PRR5: variants seen among roughly 807,000 people sequenced by gnomAD.
PRR5 encodes proline rich 5.
Under a neutral mutation model 30.6 loss-of-function variants are expected in PRR5, and 25 were observed. That is an observed-to-expected ratio of 0.82 (90% CI 0.60 to 1.14). The LOEUF is 1.14. Ranked by LOEUF, PRR5 falls within the 50% of genes most tolerant of loss-of-function variation. The pLI is 0.00. For missense variants in PRR5, 600 were observed against 547.1 expected (o/e 1.10, Z -0.96); for synonymous variants, 286 against 247.1 (o/e 1.16, Z -1.48).
At chr22:44,671,944 G>A (rs1019453872) in intron 1 of PRR5, among the ~76,000 whole-genome samples, 2 of 152,366 alleles carry the variant, frequency 1.3e-5, no homozygotes, top group African/African-American at 4.8e-5. Context: ...ATGTCATTCT[G>A]TAGCCACGTG....
At chr22:44,678,729 T>C (rs974745315) in intron 1 of PRR5, among the ~76,000 whole-genome samples, 1 of 152,226 alleles carries the variant, frequency 6.6e-6, no homozygotes, top group Non-Finnish European at 1.5e-5. Context: ...CATCTCACCC[T>C]GGGCTCTGCT....
chr22:44,735,109 G>A lies in PRR5; in HGVS notation c.638G>A (p.Gly213Asp), dbSNP rs767672939. ...CAGAAGGTGGTGTCGCCATACCTGG[G>A]CACCTACGGCCTCCACTCCAGCGAG... ...LVQKVVSPYL[G>D]TYGLHSSEGP... is the part of the protein sequence containing the mutation. The change falls in exon 7 of 8, where the codon GGC (glycine) becomes GAC (aspartate). Residue 213 changes from glycine (G) to aspartate (D), a missense_variant. Gly to Asp is a moderately conservative substitution (Grantham distance 94). Transcript: ENST00000336985. 6.8e-6 allele frequency: 11 copies of A among 1,612,690 alleles called. No homozygotes were observed. Among genetic ancestry groups the A allele is most frequent in the Non-Finnish European group, 9.3e-6 (11 of 1,179,574 alleles).
intron 2 of PRR5, 44 bp downstream of exon 2, chr22:44,714,715 G>C: frequency 6.2e-7 from 1 of 1,609,428 alleles, no homozygotes; most frequent in Non-Finnish European, 8.5e-7. Context: ...TGAGTGGCAG[G>C]GAGGGCTAGG....
At chr22:44,696,749 T>TTATTTATG (rs1181778658) in intron 1 of PRR5, among the ~76,000 whole-genome samples, 1 of 151,938 alleles carries the variant, frequency 6.6e-6, no homozygotes, top group Non-Finnish European at 1.5e-5. Flanking sequence ...ATTTATTTAT[T>TTATTTATG]TATTTGAGAT....
intron 1 of PRR5, among the ~76,000 whole-genome samples, chr22:44,692,761 C>T (rs77776852): frequency 0.057 from 8,633 of 152,304 alleles, 492 homozygotes; most frequent in African/African-American, 0.15. Context: ...CGCTCTGCCG[C>T]CTGCCCTGAG....
At chr22:44,729,625 C>T (rs1182360368) in intron 4 of PRR5, 2 of 985,332 alleles carry the variant, frequency 2.0e-6, no homozygotes, top group African/African-American at 3.5e-5. Flanking sequence ...CCTGGGGTCG[C>T]CCCATACCTG....
chr22:44,702,182 G>GA, upstream of PRR5: 2 of 949,152 alleles, frequency 2.1e-6, no homozygotes, highest in Non-Finnish European at 2.6e-6. Context: ...CCGCCCCTGG[G>GA]CCCGCCCCCG....
intron 1 of PRR5, among the ~76,000 whole-genome samples, chr22:44,705,666 C>T (rs570154958): frequency 2.6e-5 from 4 of 152,164 alleles, no homozygotes; most frequent in East Asian, 3.9e-4. Context: ...GCTCTGTCAC[C>T]CAGGCTGGAG....
chr22:44,736,368 T>A (rs959862056), intron 7 of PRR5, among the ~76,000 whole-genome samples: 1 of 152,154 alleles, frequency 6.6e-6, no homozygotes, highest in Non-Finnish European at 1.5e-5. Context: ...CACCATCCCC[T>A]TGGACACCAG....
At chr22:44,679,857 A>G (rs755906637) in intron 1 of PRR5, 2 of 1,595,680 alleles carry the variant, frequency 1.3e-6, no homozygotes, top group Non-Finnish European at 1.7e-6. Flanking sequence ...CCCGGAAAAG[A>G]TGCCGGCGCA....
At chr22:44,702,189 C>CCCGGGTCCGCCT (rs1569079860), upstream of PRR5, 1 of 1,020,056 alleles carries the variant, frequency 9.8e-7, no homozygotes, top group East Asian at 6.3e-5. Context: ...TGGGCCCGCC[C>CCCGGGTCCGCCT]CCGGGTCCGC....
chr22:44,724,542 C>T (rs988616853), intron 2 of PRR5, among the ~76,000 whole-genome samples: 2 of 152,184 alleles, frequency 1.3e-5, no homozygotes, highest in Non-Finnish European at 2.9e-5. Context: ...GGGGCCTCAG[C>T]GCTGACAGTG....
chr22:44,706,876 C>A (rs1175995006), intron 1 of PRR5, among the ~76,000 whole-genome samples: 1 of 150,928 alleles, frequency 6.6e-6, no homozygotes, highest in Admixed American at 6.7e-5. Flanking sequence ...GCCTGCCGGC[C>A]GGGCCCCCCT....
chr22:44,672,035 T>C (rs1923457655), intron 1 of PRR5, among the ~76,000 whole-genome samples: 1 of 152,266 alleles, frequency 6.6e-6, no homozygotes, highest in Non-Finnish European at 1.5e-5. Context: ...GTCGTGATCC[T>C]GTGATAACCC....
At position 44,691,344 on chromosome 22, in the gene PRR5, A is replaced by T. The variant is rs954268215; in HGVS notation, c.-10-11148A>T. Among the ~76,000 whole-genome samples, 3 of 152,078 alleles carry T rather than the reference A, an allele frequency of 2.0e-5. No individual in the cohort carries two copies. The highest frequency in any genetic ancestry group is 4.4e-5 in the Non-Finnish European group (3 of 68,008). On this transcript the variant is annotated intron_variant, in intron 1 of 8. Coordinates refer to the PRR5 transcript ENST00000006251. The surrounding 1 kb of genome is among the most constrained non-coding windows in gnomAD (Gnocchi z 4.4). ...CCATGTCCACCTCGGTGGCACGGAG[A>T]GGAGGCTACCCAGCTGGAGGGGTTG... is the stretch of plus-strand genomic sequence containing the variant.
chr22:44,693,005 G>T lies in PRR5; in HGVS notation c.-10-9487G>T, dbSNP rs577164546. Among the ~76,000 whole-genome samples the T allele has an allele frequency of 6.6e-5, 10 of 152,306 alleles. No individual in the cohort carries two copies. The East Asian group carries it at 1.9e-3, about 29-fold the overall frequency. On this transcript the variant is annotated intron_variant, in intron 1 of 8. Coordinates refer to the PRR5 transcript ENST00000006251. ...GCTAGAGGGAATGAGGGTGTCTCCA[G>T]TGTGCTGAGTGTCAGGGTGGGACCT...
In PRR5 at chr22:44,714,770, G is replaced by C. The variant is rs1436677584; in HGVS notation, c.215+99G>C. ...GCCAGGCCCCTGACCCGCCAGCCAC[G>C]CCTGTGCTTCCTCCCCTAGAGGCCA... On this transcript the variant is annotated intron_variant, in intron 2 of 7. Transcript: ENST00000336985. 5.4e-6 allele frequency: 8 copies of C among 1,470,214 alleles called. No individual in the cohort carries two copies. The East Asian group carries it at 9.4e-5, about 17-fold the overall frequency. 91.1% of individuals were successfully genotyped at this position (1,470,214 alleles called of 1,614,324 possible). A position where few individuals can be genotyped will look rare whatever the true frequency, so the allele number is the denominator to read the frequency against.
At chr22:44,699,841 C>T (rs540969841), upstream of PRR5, among the ~76,000 whole-genome samples, 8 of 152,186 alleles carry the variant, frequency 5.3e-5, no homozygotes, top group Non-Finnish European at 8.8e-5. Context: ...TCCGAGGAGT[C>T]AAGGATCTGG....
chr22:44,670,572 G>A (rs1396738561), intron 1 of PRR5, among the ~76,000 whole-genome samples: 3 of 152,238 alleles, frequency 2.0e-5, no homozygotes, highest in Admixed American at 1.3e-4. Context: ...TGGATCGGCC[G>A]TGAGAAGGGC....
Sources: gnomAD v4.1 joint callset for allele counts (sites outside exome capture counted in the v4.1 genomes callset) on GRCh38, gnomAD v4.1.1 for gene constraint, Gnocchi (gnomAD v3.1) non-coding constraint, MANE v1.5 for transcripts, NCBI Gene and HGNC (gene_info 2026-07-23, HGNC 2026-07-21) for gene names.